SLC24A2: variants seen among roughly 807,000 people sequenced by gnomAD.
The protein encoded by SLC24A2 is solute carrier family 24 member 2, also known as sodium/potassium/calcium exchanger 2.
In SLC24A2, 36 loss-of-function variants were observed where a neutral mutation model predicts 62.0. The ratio of observed to expected loss-of-function variants is 0.58; its 90% CI spans 0.44 to 0.77. The LOEUF (loss-of-function observed/expected upper bound fraction) is 0.77, where lower values mean the gene tolerates loss of function less well. Among genes scored for constraint, SLC24A2 ranks in the 30% least tolerant of loss-of-function variants. The pLI is 0.00. For synonymous variants in SLC24A2, 358 were observed against 294.0 expected (o/e 1.22, Z -2.23); for missense variants, 846 against 817.9 (o/e 1.03, Z -0.42).
intron 4 of SLC24A2, among the ~76,000 whole-genome samples, chr9:19,603,917 G>A (rs1057509584): frequency 2.0e-5 from 3 of 152,140 alleles, no homozygotes; most frequent in South Asian, 2.1e-4. Context: ...CATCCCTAAC[G>A]TTAAGTCACT....
chr9:19,778,058 T>C (rs1000847890), intron 2 of SLC24A2, among the ~76,000 whole-genome samples: 5 of 152,314 alleles, frequency 3.3e-5, no homozygotes, highest in East Asian at 1.9e-4. Context: ...GTATTAAACA[T>C]TGAGAGAATG....
At chr9:19,813,977 G>C in the SLC24A2 span, among the ~76,000 whole-genome samples, 1 of 152,142 alleles carries the variant, frequency 6.6e-6, no homozygotes, top group Non-Finnish European at 1.5e-5. Context: ...CAAGGTCATA[G>C]TACTTTGCTA....
chr9:19,572,795 G>C (rs1474551412), intron 7 of SLC24A2, among the ~76,000 whole-genome samples: 1 of 152,246 alleles, frequency 6.6e-6, no homozygotes, highest in Non-Finnish European at 1.5e-5. Context: ...AAAAGTTCAA[G>C]TGGTTGTGCC....
the SLC24A2 span, among the ~76,000 whole-genome samples, chr9:19,814,574 T>C: frequency 6.6e-6 from 1 of 152,202 alleles, no homozygotes; most frequent in Non-Finnish European, 1.5e-5. Context: ...AATCTTCCAG[T>C]TCATTTGGCA....
chr9:20,050,712 A>G, the SLC24A2 span, among the ~76,000 whole-genome samples: 1 of 152,204 alleles, frequency 6.6e-6, no homozygotes, highest in African/African-American at 2.4e-5. Context: ...ATAGTACAAT[A>G]AGCAAATATT....
chr9:20,099,162 G>T, the SLC24A2 span, among the ~76,000 whole-genome samples: 1 of 152,162 alleles, frequency 6.6e-6, no homozygotes, highest in Non-Finnish European at 1.5e-5. Flanking sequence ...GTTTCCCAAG[G>T]GAGATTGTAT....
the SLC24A2 span, among the ~76,000 whole-genome samples, chr9:20,002,990 C>A: frequency 6.6e-6 from 1 of 152,148 alleles, no homozygotes; most frequent in Non-Finnish European, 1.5e-5. Flanking sequence ...TTGTCAGCAT[C>A]CTGAAATTCT....
At chr9:20,264,567 A>C in the SLC24A2 span, among the ~76,000 whole-genome samples, 1 of 152,242 alleles carries the variant, frequency 6.6e-6, no homozygotes, top group Non-Finnish European at 1.5e-5. Context: ...TTCTGTGTCC[A>C]TCACTTACTA....
chr9:19,717,751 T>C (rs1820900129), intron 2 of SLC24A2, among the ~76,000 whole-genome samples: 1 of 152,124 alleles, frequency 6.6e-6, no homozygotes, highest in Non-Finnish European at 1.5e-5. Flanking sequence ...TTGTACACCT[T>C]CTCCTCTTTT....
At chr9:20,275,685 G>C in the SLC24A2 span, among the ~76,000 whole-genome samples, 21 of 152,296 alleles carry the variant, frequency 1.4e-4, no homozygotes, top group African/African-American at 4.8e-4. Context: ...AATTCTACGT[G>C]TGTATTCCTC....
At chr9:19,835,355 G>A in the SLC24A2 span, among the ~76,000 whole-genome samples, 1 of 152,072 alleles carries the variant, frequency 6.6e-6, no homozygotes, top group South Asian at 2.1e-4. Context: ...GACACACATA[G>A]GCTCAAAATA....
chr9:19,794,836 A>G, the SLC24A2 span, among the ~76,000 whole-genome samples: 1 of 152,074 alleles, frequency 6.6e-6, no homozygotes, highest in Admixed American at 6.5e-5. Flanking sequence ...AGGACAGCCC[A>G]CTCGGAAAGC....
chr9:20,279,296 T>C, the SLC24A2 span, among the ~76,000 whole-genome samples: 1 of 152,058 alleles, frequency 6.6e-6, no homozygotes, highest in East Asian at 1.9e-4. Context: ...TTTGGGAGGC[T>C]GAGGCAGGTG....
intron 8 of SLC24A2, among the ~76,000 whole-genome samples, chr9:19,546,170 T>C (rs1834555956): frequency 6.6e-6 from 1 of 152,206 alleles, no homozygotes; most frequent in Non-Finnish European, 1.5e-5. Flanking sequence ...TCCCAGTCAG[T>C]ACACATGGGT....
intron 2 of SLC24A2, among the ~76,000 whole-genome samples, chr9:19,748,100 T>A (rs980315535): frequency 6.6e-6 from 1 of 152,166 alleles, no homozygotes; most frequent in Non-Finnish European, 1.5e-5. Flanking sequence ...TAAAGAGATA[T>A]GCAATAGTGA....
chr9:19,718,710 C>A (rs1001884366), intron 2 of SLC24A2, among the ~76,000 whole-genome samples: 9 of 152,102 alleles, frequency 5.9e-5, no homozygotes, highest in Non-Finnish European at 8.8e-5. Flanking sequence ...CACTGAATGA[C>A]TAGACCTCGA....
chr9:19,646,272 G>C (rs1451107137), intron 2 of SLC24A2, among the ~76,000 whole-genome samples: 1 of 152,140 alleles, frequency 6.6e-6, no homozygotes, highest in African/African-American at 2.4e-5. Flanking sequence ...TTTCTTGCTT[G>C]TTTGTAGACT....
chr9:19,953,811 G>A, the SLC24A2 span, among the ~76,000 whole-genome samples: 1 of 151,924 alleles, frequency 6.6e-6, no homozygotes, highest in East Asian at 1.9e-4. Context: ...TTATTTTCAT[G>A]CATTAGTTGC....
chr9:20,163,428 C>T, the SLC24A2 span, among the ~76,000 whole-genome samples: 96 of 151,610 alleles, frequency 6.3e-4, no homozygotes, highest in Admixed American at 1.3e-3. Context: ...TTACAAGGGA[C>T]GTGAAGGACC....
Sources: gnomAD v4.1 joint callset for allele counts (sites outside exome capture counted in the v4.1 genomes callset) on GRCh38, gnomAD v4.1.1 for gene constraint, MANE v1.5 for transcripts, NCBI Gene and HGNC (gene_info 2026-07-23, HGNC 2026-07-21) for gene names.